Variants in CNTN4 observed in about 807,000 individuals in gnomAD.
CNTN4 encodes the protein contactin-4.
A neutral mutation model predicts 122.5 loss-of-function variants in CNTN4; 77 were observed. The observed-to-expected ratio is 0.63, with a 90% CI of 0.52 to 0.76. The LOEUF is 0.76. Among genes scored for constraint, CNTN4 ranks in the 30% least tolerant of loss-of-function variants. The pLI is 0.00. For synonymous variants in CNTN4, 512 were observed against 447.0 expected (o/e 1.15, Z -1.83); for missense variants, 1,256 against 1,259.1 (o/e 1.00, Z 0.04).
At chr3:2,838,493 T>G (rs879415733) in intron 7 of CNTN4, among the ~76,000 whole-genome samples, 3 of 151,544 alleles carry the variant, frequency 2.0e-5, no homozygotes, top group Non-Finnish European at 4.4e-5. Context: ...GAGAGAAATA[T>G]TGAAGTTTTA....
At chr3:2,696,891 C>A (rs2086065248) in intron 4 of CNTN4, among the ~76,000 whole-genome samples, 1 of 152,130 alleles carries the variant, frequency 6.6e-6, no homozygotes, top group Non-Finnish European at 1.5e-5. Flanking sequence ...TGGAGCATCC[C>A]AATTTAAGAT....
At chr3:2,787,484 G>T (rs554980867) in intron 6 of CNTN4, among the ~76,000 whole-genome samples, 1 of 152,248 alleles carries the variant, frequency 6.6e-6, no homozygotes, top group African/African-American at 2.4e-5. Flanking sequence ...ATTACATACC[G>T]GAATTATTGC....
chr3:2,228,597 A>G (rs955153040), intron 2 of CNTN4, among the ~76,000 whole-genome samples: 7 of 152,102 alleles, frequency 4.6e-5, no homozygotes. Context: ...CATTATTTCT[A>G]ATGTATCAAA....
At chr3:2,658,565 C>T (rs1427380273) in intron 4 of CNTN4, among the ~76,000 whole-genome samples, 1 of 152,154 alleles carries the variant, frequency 6.6e-6, no homozygotes, top group Non-Finnish European at 1.5e-5. Flanking sequence ...GTGTTGTTAC[C>T]TTAGGATCTC....
intron 2 of CNTN4, among the ~76,000 whole-genome samples, chr3:2,240,850 T>A (rs1559371168): frequency 6.6e-6 from 1 of 151,840 alleles, no homozygotes; most frequent in African/African-American, 2.4e-5. Flanking sequence ...TCACAGGGAG[T>A]TTTTTCCTGT....
At chr3:3,027,888 C>T (rs534478130) in intron 15 of CNTN4, among the ~76,000 whole-genome samples, 16 of 152,252 alleles carry the variant, frequency 1.1e-4, no homozygotes, top group Admixed American at 9.8e-4. Flanking sequence ...GACAGCTGTC[C>T]GTAGAGCTGC....
chr3:2,361,343 G>A (rs2045128321), intron 3 of CNTN4, among the ~76,000 whole-genome samples: 1 of 152,302 alleles, frequency 6.6e-6, no homozygotes, highest in East Asian at 1.9e-4. Flanking sequence ...ACTTGGTAGT[G>A]TCTGGAGACA....
chr3:2,281,760 G>A (rs1322279778), intron 2 of CNTN4, among the ~76,000 whole-genome samples: 1 of 152,042 alleles, frequency 6.6e-6, no homozygotes, highest in East Asian at 1.9e-4. Context: ...ATAATTATAG[G>A]AATTAATTAA....
chr3:2,900,332 T>G (rs1195738153), intron 10 of CNTN4, among the ~76,000 whole-genome samples: 1 of 147,398 alleles, frequency 6.8e-6, no homozygotes, highest in East Asian at 1.9e-4. Context: ...CCTGGAAATA[T>G]ACCAGCCTGG....
intron 2 of CNTN4, among the ~76,000 whole-genome samples, chr3:2,169,554 CGCCACCA>C (rs2036359838): frequency 1.3e-5 from 2 of 150,474 alleles, no homozygotes; most frequent in Admixed American, 6.6e-5. Context: ...CTACAGGCGC[CGCCACCA>C]CGCCCGGCTG....
At chr3:2,394,257 AG>A in intron 3 of CNTN4, among the ~76,000 whole-genome samples, 1 of 152,264 alleles carries the variant, frequency 6.6e-6, no homozygotes, top group Admixed American at 6.5e-5. Flanking sequence ...GGCAGATTCT[AG>A]GGTTTCCATG....
At chr3:2,776,148 C>T (rs2091306244) in intron 6 of CNTN4, among the ~76,000 whole-genome samples, 1 of 151,984 alleles carries the variant, frequency 6.6e-6, no homozygotes, top group Non-Finnish European at 1.5e-5. Flanking sequence ...AGTCATGGCT[C>T]CAAAGTGGGG....
In CNTN4 at chr3:3,040,281, A is replaced by G. The variant is rs766020237; in HGVS notation, c.2398+10A>G. The G allele has an allele frequency of 6.4e-7, 1 of 1,565,376 alleles. No individual in the cohort carries two copies. Among genetic ancestry groups the G allele is most frequent in the Non-Finnish European group, 8.8e-7 (1 of 1,135,442 alleles). On this transcript the variant is annotated intron_variant, in intron 20 of 24. Coordinates refer to ENST00000418658, the MANE Select transcript of CNTN4 (RefSeq NM_175607.3). ...TATTCTGCAGAAGAAGGTATCGTTT[A>G]TGCTGCCTAGATCATTGACTGTTAA...
At chr3:2,689,236 C>G (rs2085596898) in intron 4 of CNTN4, among the ~76,000 whole-genome samples, 2 of 152,136 alleles carry the variant, frequency 1.3e-5, no homozygotes, top group South Asian at 4.1e-4. Context: ...GGAAGGAGAT[C>G]TAAATTCCAG....
intron 4 of CNTN4, among the ~76,000 whole-genome samples, chr3:2,600,011 T>TTA (rs2080959795): frequency 8.0e-6 from 1 of 125,074 alleles, no homozygotes; most frequent in African/African-American, 4.1e-5. Context: ...AATTCTTCTT[T>TTA]TTTTTTTTTT....
intron 7 of CNTN4, among the ~76,000 whole-genome samples, chr3:2,851,786 G>T (rs2093554725): frequency 6.6e-6 from 1 of 152,104 alleles, no homozygotes; most frequent in African/African-American, 2.4e-5. Context: ...TAAAAGAAAA[G>T]ATCATCAGGT....
chr3:2,679,223 A>T (rs2150466804), intron 4 of CNTN4, among the ~76,000 whole-genome samples: 1 of 152,268 alleles, frequency 6.6e-6, no homozygotes, highest in South Asian at 2.1e-4. Flanking sequence ...GAGGTAGTTA[A>T]TTAAATTTAA....
intron 3 of CNTN4, among the ~76,000 whole-genome samples, chr3:2,365,609 G>A (rs6801812): frequency 0.1 from 15,510 of 152,236 alleles, 1,032 homozygotes; most frequent in Non-Finnish European, 0.14. Flanking sequence ...TTCTGCTGGT[G>A]ATGCTTCTTG....
intron 2 of CNTN4, among the ~76,000 whole-genome samples, chr3:2,170,199 A>G (rs376372778): frequency 0.023 from 3,487 of 150,622 alleles, 72 homozygotes; most frequent in African/African-American, 0.042. Context: ...CGGCGCCTGT[A>G]GTCCCAGCTA....
Sources: gnomAD v4.1 joint callset for allele counts (sites outside exome capture counted in the v4.1 genomes callset) on GRCh38, gnomAD v4.1.1 for gene constraint, MANE v1.5 for transcripts, NCBI Gene and HGNC (gene_info 2026-07-23, HGNC 2026-07-21) for gene names.